EXOC1: variants seen among roughly 807,000 people sequenced by gnomAD.
EXOC1 encodes the protein exocyst complex component 1.
A neutral mutation model predicts 107.7 loss-of-function variants in EXOC1; 67 were observed. That is an observed-to-expected ratio of 0.62 (90% CI 0.51 to 0.76). The LOEUF (loss-of-function observed/expected upper bound fraction) is 0.76. Ranked by LOEUF, EXOC1 falls within the 30% of genes least tolerant of loss-of-function variation. EXOC1 has a pLI of 0.00. For missense variants in EXOC1, 833 were observed against 1,055.7 expected, an observed-to-expected ratio of 0.79 and a Z score of 2.92; for synonymous variants, 348 against 353.5, an observed-to-expected ratio of 0.98 and a Z score of 0.17.
intron 2 of EXOC1, 46 bp downstream of exon 2, chr4:55,858,493 A>G (rs747039576): frequency 6.7e-7 from 1 of 1,497,172 alleles, no homozygotes; most frequent in Non-Finnish European, 8.9e-7. Context: ...TCCTTTTATT[A>G]TTTAGAAGAT....
chr4:55,862,822 G>A (rs1487291873), intron 3 of EXOC1, among the ~76,000 whole-genome samples: 1 of 152,056 alleles, frequency 6.6e-6, no homozygotes, highest in Non-Finnish European at 1.5e-5. Flanking sequence ...CTTTTACCCT[G>A]TAGAACATTA....
At position 55,904,381 on chromosome 4, in the gene EXOC1, G is replaced by T. The variant is rs766560183; in HGVS notation, c.2571G>T (p.Gln857His). The T allele has an allele frequency of 6.2e-7, 1 of 1,611,444 alleles. No homozygotes were observed. The highest frequency in any genetic ancestry group is 1.1e-5 in the South Asian group (1 of 90,826). Residue 857 changes from glutamine (Q) to histidine (H), a missense_variant, in exon 19 of 19, where the codon CAG (glutamine) becomes CAT (histidine). Physicochemically the swap from Gln to His is conservative, Grantham distance 24. Coordinates refer to ENST00000381295, the MANE Select transcript of EXOC1 (RefSeq NM_001024924.2). ...WHSMQDEFIR[Q>H]YKHFEGLIAR... ...CCATGCAAGATGAATTTATACGCCA[G>T]TATAAGCACTTTGAAGGTTTGATAG... is the stretch of plus-strand genomic sequence containing the variant.
intron 1 of EXOC1, among the ~76,000 whole-genome samples, chr4:55,856,816 T>C (rs1447237428): frequency 6.6e-6 from 1 of 152,188 alleles, no homozygotes. Flanking sequence ...TTATAACAGT[T>C]TTATTGAGAT....
At position 55,891,316 on chromosome 4, in the gene EXOC1, T is replaced by G. The variant is rs780112966; in HGVS notation, c.1541T>G (p.Ile514Ser). 5.0e-6 allele frequency: 8 copies of G among 1,610,560 alleles called. No individual in the cohort carries two copies. The highest frequency in any genetic ancestry group is 6.8e-6 in the Non-Finnish European group (8 of 1,176,902). ...DVADRTKFDKIFEQVLSELEP... is the reference protein window; with the variant it reads ...DVADRTKFDKSFEQVLSELEP... Reference sequence around the variant, plus strand: ...TAGGATCACTTTGGTTTTCTTCAGATCTTTGAACAGGTACTAAGTGAACTG... The same window carrying G: ...TAGGATCACTTTGGTTTTCTTCAGAGCTTTGAACAGGTACTAAGTGAACTG... The change falls in exon 13 of 19, where the codon ATC becomes AGC. Residue 514 changes from isoleucine (I) to serine (S), a missense_variant and splice_region_variant. By Grantham distance (142) the Ile-to-Ser change is moderately radical. Around this residue, in one of 2 missense-constraint regions of EXOC1, gnomAD observed 617 missense variants for 701.3 expected, o/e 0.88. Transcript: ENST00000381295.
intron 9 of EXOC1, 72 bp from the exon 10 acceptor site, chr4:55,883,751 T>A: frequency 1.1e-6 from 1 of 886,420 alleles, no homozygotes; most frequent in Non-Finnish European, 1.7e-6. Context: ...CATGAAGGAC[T>A]TGGGGAATTG....
intron 15 of EXOC1, 107 bp from the exon 16 acceptor site, chr4:55,896,610 G>A (rs550956266): frequency 2.4e-4 from 200 of 839,418 alleles, no homozygotes; most frequent in Non-Finnish European, 3.2e-4. Flanking sequence ...CTGCCTCTAT[G>A]ATATCTATGT....
Position 55,904,347 on chromosome 4 carries a change from T to C in EXOC1, c.2537T>C (p.Val846Ala), listed in dbSNP as rs774717828. ...LCEEENLLQV[V>A]WHSMQDEFIR... is the part of the protein sequence containing the mutation. Reference sequence around the variant, plus strand: ...GACTTTTTTTTTTAATAATAGGTGGTGTGGCACTCCATGCAAGATGAATTT... The same window carrying C: ...GACTTTTTTTTTTAATAATAGGTGGCGTGGCACTCCATGCAAGATGAATTT... Residue 846 changes from valine (V) to alanine (A), a missense_variant, in exon 19 of 19, where the codon GTG becomes GCG. Coordinates refer to ENST00000381295, the MANE Select transcript of EXOC1 (RefSeq NM_001024924.2). The C allele has an allele frequency of 4.4e-6, 7 of 1,605,910 alleles. No individual in the cohort carries two copies. The highest frequency in any genetic ancestry group is 3.4e-6 in the Non-Finnish European group (4 of 1,177,224).
At chr4:55,878,113 T>G in intron 9 of EXOC1, 47 bp downstream of exon 9, 1 of 1,584,588 alleles carries the variant, frequency 6.3e-7, no homozygotes, top group South Asian at 1.1e-5. Flanking sequence ...GCATTATCTT[T>G]TAGAATTAAG....
intron 10 of EXOC1, among the ~76,000 whole-genome samples, chr4:55,886,450 G>A (rs550461850): frequency 6.6e-6 from 1 of 151,926 alleles, no homozygotes; most frequent in Non-Finnish European, 1.5e-5. Flanking sequence ...CTACTCAGGA[G>A]GCTGAGGGGC....
chr4:55,870,253 G>A (rs1278880581), intron 5 of EXOC1, among the ~76,000 whole-genome samples: 1 of 152,140 alleles, frequency 6.6e-6, no homozygotes, highest in Non-Finnish European at 1.5e-5. Context: ...TTTTATTTAG[G>A]GTTTCACATA....
chr4:55,880,683 A>G (rs1338327574), intron 9 of EXOC1, among the ~76,000 whole-genome samples: 3 of 152,162 alleles, frequency 2.0e-5, no homozygotes, highest in Non-Finnish European at 4.4e-5. Flanking sequence ...CCCTATCTTT[A>G]TATATAATGC....
chr4:55,876,942 C>G (rs1215586411), intron 8 of EXOC1: 2 of 985,114 alleles, frequency 2.0e-6, no homozygotes, highest in Non-Finnish European at 2.4e-6. Flanking sequence ...CTTGGCATGT[C>G]TTATACTCCC....
In EXOC1 at chr4:55,888,911, G is replaced by T. The variant is rs776877130; in HGVS notation, c.1354G>T (p.Ala452Ser). ...AGCTACACTGCCTCGAAAAGAAAGT[G>T]CTGTCAAACAGGAAACAGAGAGTGA... ...KFATLPRKESAVKQETESLHG... is the reference protein window; with the variant it reads ...KFATLPRKESSVKQETESLHG... Residue 452 changes from alanine (A) to serine (S), a missense_variant, in exon 11 of 19, where the codon GCT becomes TCT. By Grantham distance (99) the Ala-to-Ser change is moderately conservative. Transcript: ENST00000381295. The T allele has an allele frequency of 1.2e-6, 2 of 1,613,542 alleles. No individual in the cohort carries two copies. Among genetic ancestry groups the T allele is most frequent in the Non-Finnish European group, 1.7e-6 (2 of 1,179,744 alleles).
intron 2 of EXOC1, among the ~76,000 whole-genome samples, chr4:55,859,059 C>T (rs927118938): frequency 2.6e-5 from 4 of 152,150 alleles, no homozygotes; most frequent in Admixed American, 1.3e-4. Flanking sequence ...GTGTTGACAT[C>T]TGTCATGGTG....
At chr4:55,872,011 T>C in intron 8 of EXOC1, 53 bp downstream of exon 8, 2 of 1,466,528 alleles carry the variant, frequency 1.4e-6, no homozygotes, top group African/African-American at 2.8e-5. Flanking sequence ...TATTTATGTA[T>C]TAACCTTACA....
At chr4:55,902,277 A>G (rs1477575997) in intron 17 of EXOC1, 67 bp from the exon 18 acceptor site, 1 of 1,241,316 alleles carries the variant, frequency 8.1e-7, no homozygotes, top group Non-Finnish European at 1.0e-6. Context: ...CTTTGTAATC[A>G]GATTTTTTTA....
rs1726440713 is a variant in EXOC1, at chr4:55,904,965, T to C, written c.*470T>C. On this transcript the variant is annotated 3_prime_UTR_variant, in exon 19 of 19. Coordinates refer to ENST00000381295, the MANE Select transcript of EXOC1 (RefSeq NM_001024924.2). Reference sequence around the variant, plus strand: ...TGATGATCATTTGTGAACTTAGATTTTTGAGGATTATGTGACTAGTAATAA... The same window carrying C: ...TGATGATCATTTGTGAACTTAGATTCTTGAGGATTATGTGACTAGTAATAA... The C allele has an allele frequency of 6.6e-6, 1 of 152,474 alleles. No homozygotes were observed. Among genetic ancestry groups the C allele is most frequent in the Non-Finnish European group, 1.5e-5 (1 of 68,226 alleles). The allele number at this position is 152,474 out of a possible 1,614,324, so 9.4% of individuals were successfully genotyped here. A position where few individuals can be genotyped will look rare whatever the true frequency, so the allele number is the denominator to read the frequency against.
intron 9 of EXOC1, among the ~76,000 whole-genome samples, chr4:55,878,614 T>G (rs1318700410): frequency 2.6e-5 from 4 of 152,206 alleles, no homozygotes; most frequent in Non-Finnish European, 5.9e-5. Flanking sequence ...GGAAAATCTC[T>G]GTCTCGAGAC....
chr4:55,864,376 G>A lies in EXOC1; in HGVS notation c.405G>A (p.Gln135=). The part of the protein sequence containing the change: ...KKIDFVNVSS[Q]LLEESVPSGE... ...TTGATTTTGTCAATGTTAGCTCACA[G>A]CTTTTGGAAGGTAAAGTTAAATAAA... Residue 135 remains glutamine (Q), a synonymous_variant, in exon 4 of 19, where the codon CAG becomes CAA. Coordinates refer to ENST00000381295, the MANE Select transcript of EXOC1 (RefSeq NM_001024924.2). 3 of 1,603,714 alleles carry A rather than the reference G, an allele frequency of 1.9e-6. No homozygotes were observed. Among genetic ancestry groups the A allele is most frequent in the Non-Finnish European group, 1.7e-6 (2 of 1,176,802 alleles).
Sources: allele counts gnomAD v4.1 joint callset (sites outside exome capture counted in the v4.1 genomes callset), GRCh38; gene constraint gnomAD v4.1.1; regional missense constraint gnomAD v4.1.1; transcripts MANE v1.5; gene names NCBI Gene and HGNC (gene_info 2026-07-23, HGNC 2026-07-21).